ONECUT3: variants seen among roughly 807,000 people sequenced by gnomAD.
ONECUT3 encodes the protein one cut domain family member 3.
Under a neutral mutation model 16.8 loss-of-function variants are expected in ONECUT3, and 11 were observed. The observed-to-expected ratio is 0.66, with a 90% CI of 0.41 to 1.09. ONECUT3 has a LOEUF of 1.09. ONECUT3 is among the 50% of genes least tolerant of loss of function. The pLI is 0.00. For missense variants in ONECUT3, 637 were observed against 629.9 expected, an observed-to-expected ratio of 1.01 and a Z score of -0.12; for synonymous variants, 344 against 310.7, an observed-to-expected ratio of 1.11 and a Z score of -1.13.
intron 1 of ONECUT3, among the ~76,000 whole-genome samples, chr19:1,767,543 C>G (rs1379824408): frequency 6.6e-6 from 1 of 152,186 alleles, no homozygotes; most frequent in East Asian, 1.9e-4. Flanking sequence ...GGTCTCCCCC[C>G]AGTCCAGCCC....
Position 1,757,137 on chromosome 19 carries a change from G to C in ONECUT3, c.1192+2283G>C, listed in dbSNP as rs572541238. Among the ~76,000 whole-genome samples the C allele has an allele frequency of 4.2e-3, 636 of 152,022 alleles. 3 individuals carry two copies. Among genetic ancestry groups the C allele is most frequent in the Middle Eastern group, 0.014 (4 of 294 alleles). ...ACCGCAGGCGAGAAGTCCCATGGGG[G>C]GGGGGTGGGCTCCCCGCAGCCGGGT... is the stretch of plus-strand genomic sequence containing the variant. On this transcript the variant is annotated intron_variant, in intron 1 of 1. Transcript: ENST00000382349.
At chr19:1,756,233 C>T (rs145716497) in intron 1 of ONECUT3, among the ~76,000 whole-genome samples, 2 of 152,278 alleles carry the variant, frequency 1.3e-5, no homozygotes, top group African/African-American at 2.4e-5. Flanking sequence ...CACAGGCCGG[C>T]CTCAGTTTCC....
In ONECUT3 at chr19:1,772,112, C is replaced by T. The variant is rs146377346; in HGVS notation, c.1193-3041C>T. Among the ~76,000 whole-genome samples the T allele has an allele frequency of 4.4e-3, 663 of 151,850 alleles. 8 individuals carry two copies. Among genetic ancestry groups the T allele is most frequent in the African/African-American group, 0.015 (626 of 41,386 alleles). On this transcript the variant is annotated intron_variant, in intron 1 of 1. Transcript: ENST00000382349. ...CACACCTCTGCTTACTGGGTTCAAG[C>T]GACTCTCCTGCCTCAGCCTCCCCAG...
chr19:1,760,657 G>GT (rs1272235716), intron 1 of ONECUT3, among the ~76,000 whole-genome samples: 1 of 151,696 alleles, frequency 6.6e-6, no homozygotes, highest in Non-Finnish European at 1.5e-5. Flanking sequence ...AGGATGGGCG[G>GT]TGGGGGGGGG....
chr19:1,775,462 G>A lies in ONECUT3; in HGVS notation c.*17G>A. On this transcript the variant is annotated 3_prime_UTR_variant, in exon 2 of 2. Transcript: ENST00000382349. Reference sequence around the variant, plus strand: ...AAGGCCTGAGGCGCCCCGGCCCCGCGCCCTCCCTGCCTCCACGGCCTGGGC... The same window carrying A: ...AAGGCCTGAGGCGCCCCGGCCCCGCACCCTCCCTGCCTCCACGGCCTGGGC... The A allele has an allele frequency of 6.9e-7, 1 of 1,441,602 alleles. No homozygotes were observed. Among genetic ancestry groups the A allele is most frequent in the Non-Finnish European group, 9.0e-7 (1 of 1,105,178 alleles). 89.3% of individuals were successfully genotyped at this position (1,441,602 alleles called of 1,614,324 possible).
chr19:1,771,193 C>T (rs1042390888), intron 1 of ONECUT3, among the ~76,000 whole-genome samples: 3 of 152,172 alleles, frequency 2.0e-5, no homozygotes, highest in Non-Finnish European at 4.4e-5. Context: ...GGTGGGGCTG[C>T]CCTCCATACC....
chr19:1,775,147 C>CCCCCCCCCCCCCCCCCA lies in ONECUT3; in HGVS notation c.1193-5_1193-4insCCCCCCCCCCCCCCCAC. The CCCCCCCCCCCCCCCCCA allele has an allele frequency of 7.0e-7, 1 of 1,432,062 alleles. No individual in the cohort carries two copies. The allele number at this position is 1,432,062 out of a possible 1,614,324, so 88.7% of individuals were successfully genotyped here. Reference sequence around the variant, plus strand: ...GCTCGCCCGCCCGCCCGCCGCTCGCCCGCAGCCTGCAAGCGCAAGGAACAG... The same window carrying CCCCCCCCCCCCCCCCCA: ...GCTCGCCCGCCCGCCCGCCGCTCGCCCCCCCCCCCCCCCCCCACGCAGCCTGCAAGCGCAAGGAACAG... On this transcript the variant is annotated splice_region_variant and splice_polypyrimidine_tract_variant and intron_variant, in intron 1 of 1. Transcript: ENST00000382349.
At chr19:1,771,444 T>C (rs1363526700) in intron 1 of ONECUT3, among the ~76,000 whole-genome samples, 1 of 152,240 alleles carries the variant, frequency 6.6e-6, no homozygotes, top group Non-Finnish European at 1.5e-5. Context: ...ATGTTTGGTC[T>C]TTTGTTATTT....
intron 1 of ONECUT3, among the ~76,000 whole-genome samples, chr19:1,765,169 C>A (rs1231254915): frequency 6.6e-6 from 1 of 152,172 alleles, no homozygotes; most frequent in East Asian, 1.9e-4. Context: ...CCCAGCTGGT[C>A]TCCATCTCCT....
intron 1 of ONECUT3, among the ~76,000 whole-genome samples, chr19:1,773,824 C>T (rs934261114): frequency 1.3e-5 from 2 of 152,054 alleles, no homozygotes; most frequent in African/African-American, 4.8e-5. Flanking sequence ...GTGGGGGAAG[C>T]CTGTGTTTTG....
rs949327240 is a variant in ONECUT3 at position 1,780,303 on chromosome 19, G to A, written c.*4858G>A. 8 of 152,060 alleles carry A rather than the reference G, an allele frequency of 5.3e-5. No homozygotes were observed. Among genetic ancestry groups the A allele is most frequent in the East Asian group, 1.9e-4 (1 of 5,166 alleles). 9.4% of individuals were successfully genotyped at this position (152,060 alleles called of 1,614,324 possible). A position where few individuals can be genotyped will look rare whatever the true frequency, so the allele number is the denominator to read the frequency against. On this transcript the variant is annotated 3_prime_UTR_variant, in exon 2 of 2. Transcript: ENST00000382349. Reference sequence around the variant, plus strand: ...GACCCCTCCCTCCCAGCCCACTTTCGGAGCCTACAGAACAGAGGACTCCCC... The same window carrying A: ...GACCCCTCCCTCCCAGCCCACTTTCAGAGCCTACAGAACAGAGGACTCCCC...
rs1014552586 is a variant in ONECUT3, at chr19:1,754,410, G to C, written c.748G>C (p.Ala250Pro). 6.8e-5 allele frequency: 73 copies of C among 1,077,060 alleles called. No homozygotes were observed. The African/African-American group carries it at 1.1e-3, about 16-fold the overall frequency. The allele number at this position is 1,077,060 out of a possible 1,614,324, so 66.7% of individuals were successfully genotyped here. ...LPPAAFEPHAALLGRAEDALA... is the reference protein window; with the variant it reads ...LPPAAFEPHAPLLGRAEDALA... ...GCCCGCCGCCTTCGAGCCGCACGCC[G>C]CGCTGCTGGGACGCGCGGAGGACGC... Residue 250 changes from alanine (A) to proline (P), a missense_variant, in exon 1 of 2, where the codon GCG (alanine) becomes CCG (proline). By Grantham distance (27) the Ala-to-Pro change is conservative. This residue lies in a region of ONECUT3 where 419 missense variants were observed against 377.9 expected (regional missense o/e 1.11). Transcript: ENST00000382349. The surrounding 1 kb of genome is among the most constrained non-coding windows in gnomAD (Gnocchi z 7.4).
chr19:1,773,816 G>C (rs796847773), intron 1 of ONECUT3, among the ~76,000 whole-genome samples: 9 of 152,148 alleles, frequency 5.9e-5, no homozygotes, highest in African/African-American at 2.2e-4. Context: ...AGCTCCTAGT[G>C]GGGGAAGCCT....
Position 1,754,625 on chromosome 19 carries a change from C to A in ONECUT3, c.963C>A (p.Ile321=). 1.4e-6 allele frequency: 2 copies of A among 1,479,442 alleles called. No homozygotes were observed. Among genetic ancestry groups the A allele is most frequent in the Admixed American group, 2.3e-5 (1 of 44,398 alleles). The allele number at this position is 1,479,442 out of a possible 1,614,324, so 91.6% of individuals were successfully genotyped here. A position where few individuals can be genotyped will look rare whatever the true frequency, so the allele number is the denominator to read the frequency against. Residue 321 remains isoleucine, a synonymous_variant, in exon 1 of 2, where the codon ATC becomes ATA. Coordinates refer to ENST00000382349, the MANE Select transcript of ONECUT3 (RefSeq NM_001080488.2). This position sits in a 1 kb window ranked among gnomAD's most constrained non-coding sequence, Gnocchi z 7.4. ...GPSAGAAAEE[I]NTKEVAQRIT... Reference sequence around the variant, plus strand: ...GCGCGGGCGCAGCGGCCGAGGAGATCAACACCAAGGAGGTGGCGCAGCGCA... The same window carrying A: ...GCGCGGGCGCAGCGGCCGAGGAGATAAACACCAAGGAGGTGGCGCAGCGCA...
In ONECUT3 at chr19:1,760,492, C is replaced by T. The variant is rs540932317; in HGVS notation, c.1192+5638C>T. Among the ~76,000 whole-genome samples the T allele has an allele frequency of 4.6e-5, 7 of 152,194 alleles. No homozygotes were observed. In the East Asian group the frequency reaches 7.7e-4, roughly 17 times the overall value. Reference sequence around the variant, plus strand: ...CGATCCTCAGGTGGGGCCAGGTGACCGGCCAGTTCCACCTCCCCACCCCAC... The same window carrying T: ...CGATCCTCAGGTGGGGCCAGGTGACTGGCCAGTTCCACCTCCCCACCCCAC... On this transcript the variant is annotated intron_variant, in intron 1 of 1. Transcript: ENST00000382349.
intron 1 of ONECUT3, among the ~76,000 whole-genome samples, chr19:1,768,776 A>G (rs536735241): frequency 2.6e-5 from 4 of 152,082 alleles, no homozygotes; most frequent in Admixed American, 2.6e-4. Context: ...GGGGGTGAGT[A>G]AAAGAAAGGT....
Position 1,754,577 on chromosome 19 carries a change from C to T in ONECUT3, c.915C>T (p.Pro305=), listed in dbSNP as rs1165993728. The T allele has an allele frequency of 2.5e-6, 3 of 1,208,118 alleles. No homozygotes were observed. The highest frequency in any genetic ancestry group is 3.1e-6 in the Non-Finnish European group (3 of 965,120). 74.8% of individuals were successfully genotyped at this position (1,208,118 alleles called of 1,614,324 possible). A position where few individuals can be genotyped will look rare whatever the true frequency, so the allele number is the denominator to read the frequency against. Residue 305 remains proline, a synonymous_variant, in exon 1 of 2, where the codon CCC becomes CCT. Transcript: ENST00000382349. This position sits in a 1 kb window ranked among gnomAD's most constrained non-coding sequence, Gnocchi z 7.4. ...GGCCGCACGGGGGAGGCGGCGGCCC[C>T]GGCGGGAGCGGCGGCGGCCCCAGCG... ...AHGPHGGGGG[P]GGSGGGPSAG...
Position 1,762,760 on chromosome 19 carries a change from G to A in ONECUT3, c.1192+7906G>A, listed in dbSNP as rs1315135953. On this transcript the variant is annotated intron_variant, in intron 1 of 1. Transcript: ENST00000382349. The surrounding 1 kb of genome is among the most constrained non-coding windows in gnomAD (Gnocchi z 4.4). The stretch of plus-strand genomic sequence containing the variant: ...ATCCCACCCCCGCATCCCACCCCAG[G>A]GGAAACCGCGCCGCACCAGGCGCGA... Among the ~76,000 whole-genome samples, 1 of 150,638 alleles carries A rather than the reference G, an allele frequency of 6.6e-6. No homozygotes were observed. Among genetic ancestry groups the A allele is most frequent in the East Asian group, 2.0e-4 (1 of 5,034 alleles).
chr19:1,769,799 G>A (rs937869162), intron 1 of ONECUT3, among the ~76,000 whole-genome samples: 18 of 152,174 alleles, frequency 1.2e-4, no homozygotes, highest in African/African-American at 4.1e-4. Flanking sequence ...TAGATTGAAC[G>A]CCGGGAAGGG....
Sources: gnomAD v4.1 joint callset for allele counts (sites outside exome capture counted in the v4.1 genomes callset) on GRCh38, gnomAD v4.1.1 for gene constraint, gnomAD v4.1.1 regional missense constraint, Gnocchi (gnomAD v3.1) non-coding constraint, MANE v1.5 for transcripts, NCBI Gene and HGNC (gene_info 2026-07-23, HGNC 2026-07-21) for gene names.